The following SLCO3A1 variants were observed in gnomAD, a reference collection of about 807,000 sequenced individuals.
The protein encoded by SLCO3A1 is PGE1 transporter.
SLCO3A1 carries 27 observed loss-of-function variants against 63.1 expected under a neutral mutation model. The ratio of observed to expected loss-of-function variants is 0.43; its 90% CI spans 0.32 to 0.59. The LOEUF (loss-of-function observed/expected upper bound fraction) is 0.59, where lower values mean the gene tolerates loss of function less well. Among genes scored for constraint, SLCO3A1 ranks in the 20% least tolerant of loss-of-function variants. The pLI, the probability that SLCO3A1 is intolerant of heterozygous loss-of-function variation, is 0.09. For synonymous variants in SLCO3A1, 473 were observed against 409.9 expected (o/e 1.15, Z -1.86); for missense variants, 773 against 945.8 (o/e 0.82, Z 2.40).
In SLCO3A1 at chr15:92,165,460, G is replaced by A; in HGVS notation, c.*2325G>A. 1.0e-6 allele frequency: 1 copy of A among 982,790 alleles called. No individual in the cohort carries two copies. Among genetic ancestry groups the A allele is most frequent in the Non-Finnish European group, 1.2e-6 (1 of 827,722 alleles). The allele number at this position is 982,790 out of a possible 1,614,324, so 60.9% of individuals were successfully genotyped here. A position where few individuals can be genotyped will look rare whatever the true frequency, so the allele number is the denominator to read the frequency against. The stretch of plus-strand genomic sequence containing the variant: ...CCTTCAAACTCAGTACACACACACT[G>A]AGGCCCTTTGACCTAGTGTTTTATG... On this transcript the variant is annotated 3_prime_UTR_variant, in exon 10 of 10. Coordinates refer to ENST00000318445, the MANE Select transcript of SLCO3A1 (RefSeq NM_013272.4).
chr15:92,035,229 C>T (rs998344656), intron 2 of SLCO3A1, among the ~76,000 whole-genome samples: 64 of 151,796 alleles, frequency 4.2e-4, no homozygotes, highest in African/African-American at 1.5e-3. Context: ...ATTTGTAGAA[C>T]AGGTTGGTAA....
intron 2 of SLCO3A1, among the ~76,000 whole-genome samples, chr15:91,940,114 C>A (rs965121567): frequency 1.3e-5 from 2 of 152,128 alleles, no homozygotes; most frequent in Non-Finnish European, 2.9e-5. Flanking sequence ...CCTGGCCCTA[C>A]CACTTCAAAC....
At chr15:91,905,518 A>AT (rs145728527) in intron 1 of SLCO3A1, among the ~76,000 whole-genome samples, 4,228 of 150,966 alleles carry the variant, frequency 0.028, 193 homozygotes, top group African/African-American at 0.097. Flanking sequence ...CTGTGTTGTT[A>AT]TTTTTTTTAT....
chr15:92,031,277 A>C (rs1163014060), intron 2 of SLCO3A1, among the ~76,000 whole-genome samples: 2 of 152,228 alleles, frequency 1.3e-5, no homozygotes, highest in Non-Finnish European at 2.9e-5. Flanking sequence ...GTAGAAAAAC[A>C]ATAGCAGTAT....
chr15:91,864,283 T>A (rs7163431), intron 1 of SLCO3A1, among the ~76,000 whole-genome samples: 1 of 152,272 alleles, frequency 6.6e-6, no homozygotes, highest in East Asian at 1.9e-4. Context: ...GGGCACAGAA[T>A]TGAGGCATTT....
chr15:91,962,771 C>G (rs887211551), intron 2 of SLCO3A1, among the ~76,000 whole-genome samples: 1 of 152,032 alleles, frequency 6.6e-6, no homozygotes, highest in Non-Finnish European at 1.5e-5. Context: ...TGAGGGTCCT[C>G]GGGCTGCTTA....
chr15:92,031,787 C>G (rs1268027987), intron 2 of SLCO3A1, among the ~76,000 whole-genome samples: 4 of 152,156 alleles, frequency 2.6e-5, no homozygotes, highest in Non-Finnish European at 5.9e-5. Flanking sequence ...AGCATTTATC[C>G]TTTCTCTGTA....
intron 1 of SLCO3A1, among the ~76,000 whole-genome samples, chr15:91,915,529 G>C (rs567521302): frequency 3.3e-5 from 5 of 152,102 alleles, no homozygotes; most frequent in Admixed American, 6.5e-5. Flanking sequence ...ATTTTGAGGT[G>C]GGGGATAGGC....
At chr15:91,990,461 A>G (rs185802280) in intron 2 of SLCO3A1, among the ~76,000 whole-genome samples, 317 of 150,966 alleles carry the variant, frequency 2.1e-3, no homozygotes, top group African/African-American at 7.5e-3. Context: ...TCCTTCTCAG[A>G]CTCCTGAACT....
At chr15:92,059,846 T>G (rs1597271261) in intron 2 of SLCO3A1, among the ~76,000 whole-genome samples, 1 of 152,184 alleles carries the variant, frequency 6.6e-6, no homozygotes, top group Non-Finnish European at 1.5e-5. Flanking sequence ...TGAAGACACT[T>G]TCTGAGAAAT....
chr15:91,864,068 A>C (rs1439619835), intron 1 of SLCO3A1, among the ~76,000 whole-genome samples: 1 of 152,242 alleles, frequency 6.6e-6, no homozygotes, highest in African/African-American at 2.4e-5. Flanking sequence ...TCCTTGCTGC[A>C]CTAGGCTCAG....
intron 2 of SLCO3A1, among the ~76,000 whole-genome samples, chr15:92,054,009 G>A (rs1032435107): frequency 2.0e-5 from 3 of 152,122 alleles, no homozygotes. Flanking sequence ...TGCATGGGAG[G>A]CTTGTCTGTT....
chr15:92,142,459 G>T (rs1250863511), intron 7 of SLCO3A1, among the ~76,000 whole-genome samples: 1 of 152,034 alleles, frequency 6.6e-6, no homozygotes, highest in African/African-American at 2.4e-5. Flanking sequence ...AGTTCTCTGG[G>T]GCCTCTTCTG....
chr15:91,888,316 G>A (rs1159247825), intron 1 of SLCO3A1, among the ~76,000 whole-genome samples: 2 of 152,132 alleles, frequency 1.3e-5, no homozygotes, highest in East Asian at 1.9e-4. Flanking sequence ...ATGGGCTGCC[G>A]GCTCTCTTAT....
chr15:92,134,902 G>C (rs916928888), intron 7 of SLCO3A1, among the ~76,000 whole-genome samples: 4 of 152,014 alleles, frequency 2.6e-5, no homozygotes, highest in Non-Finnish European at 5.9e-5. Flanking sequence ...TGGAAGGAGG[G>C]AGTGGGCATG....
At chr15:91,955,532 T>C (rs1453038183) in intron 2 of SLCO3A1, among the ~76,000 whole-genome samples, 3 of 152,048 alleles carry the variant, frequency 2.0e-5, no homozygotes, top group African/African-American at 7.2e-5. Flanking sequence ...GGGGTTTCAC[T>C]ATGTTGGCCA....
chr15:91,924,436 C>G (rs531872317), intron 2 of SLCO3A1, among the ~76,000 whole-genome samples: 90 of 152,290 alleles, frequency 5.9e-4, no homozygotes, highest in Non-Finnish European at 1.0e-3. Context: ...CACACGGTAG[C>G]TTGCCATGGT....
Position 91,859,389 on chromosome 15 carries a change from T to C in SLCO3A1, c.180+5301T>C, listed in dbSNP as rs2141835792. Among the ~76,000 whole-genome samples, 1 of 152,356 alleles carries C rather than the reference T, an allele frequency of 6.6e-6. No individual in the cohort carries two copies. The highest frequency in any genetic ancestry group is 2.4e-5 in the African/African-American group (1 of 41,582). On this transcript the variant is annotated intron_variant, in intron 1 of 9. Coordinates refer to ENST00000318445, the MANE Select transcript of SLCO3A1 (RefSeq NM_013272.4). This position sits in a 1 kb window ranked among gnomAD's most constrained non-coding sequence, Gnocchi z 5.1. The stretch of plus-strand genomic sequence containing the variant: ...GGAAAAACAGTGGAATCATGGACCT[T>C]GGCTCATAGGATAAATGAATTGATG...
chr15:92,146,375 C>G (rs1247779249), intron 7 of SLCO3A1, among the ~76,000 whole-genome samples: 1 of 152,216 alleles, frequency 6.6e-6, no homozygotes, highest in Non-Finnish European at 1.5e-5. Context: ...GGTTTTAGCT[C>G]TGCTCCCCAC....
Sources: allele counts gnomAD v4.1 joint callset (sites outside exome capture counted in the v4.1 genomes callset), GRCh38; gene constraint gnomAD v4.1.1; non-coding constraint Gnocchi (gnomAD v3.1); transcripts MANE v1.5; gene names NCBI Gene and HGNC (gene_info 2026-07-23, HGNC 2026-07-21).